Variants in ARHGAP15 observed in about 807,000 individuals in gnomAD.
The protein encoded by ARHGAP15 is Rho GTPase activating protein 15, also known as rho GTPase-activating protein 15.
In ARHGAP15, 51 loss-of-function variants were observed where a neutral mutation model predicts 63.7. That is an observed-to-expected ratio of 0.80 (90% CI 0.64 to 1.01). The LOEUF is 1.01. ARHGAP15 is among the 50% of genes least tolerant of loss of function. The pLI is 0.00. For synonymous variants in ARHGAP15, 191 were observed against 193.8 expected (o/e 0.99, Z 0.12); for missense variants, 560 against 564.6 (o/e 0.99, Z 0.08).
chr2:143,629,684 GA>G lies in ARHGAP15; in HGVS notation c.1138+5422del, dbSNP rs561461352. Among the ~76,000 whole-genome samples the G allele has an allele frequency of 5.8e-4, 89 of 152,172 alleles. 1 individual carries two copies. The highest frequency in any genetic ancestry group is 2.2e-3 in the Admixed American group (33 of 15,264). ...ATGTCTGCATTTTTCCAAAGTTCCT[GA>G]AAAAGAGAAAGGGAGGAGAAAAACT... On this transcript the variant is annotated intron_variant, in intron 12 of 13. Transcript: ENST00000295095.
intron 9 of ARHGAP15, among the ~76,000 whole-genome samples, chr2:143,507,387 A>G (rs1168109044): frequency 6.6e-6 from 1 of 152,146 alleles, no homozygotes; most frequent in Non-Finnish European, 1.5e-5. Flanking sequence ...GTGGTTTTAG[A>G]GTTATTATTT....
Position 143,263,279 on chromosome 2 carries a change from G to A in ARHGAP15, c.474+12679G>A, listed in dbSNP as rs117319446. Among the ~76,000 whole-genome samples the A allele has an allele frequency of 4.6e-5, 7 of 152,234 alleles. No individual in the cohort carries two copies. The East Asian group carries it at 1.2e-3, about 25-fold the overall frequency. ...TGAATCACCCCACATTGCTAATTCAGCATTCTTAAAGATCTGGAATGGTAG... is the reference window on the plus strand; with the variant it reads ...TGAATCACCCCACATTGCTAATTCAACATTCTTAAAGATCTGGAATGGTAG... On this transcript the variant is annotated intron_variant, in intron 6 of 13. Coordinates refer to ENST00000295095, the MANE Select transcript of ARHGAP15 (RefSeq NM_018460.4).
intron 13 of ARHGAP15, among the ~76,000 whole-genome samples, chr2:143,731,604 T>C (rs1177794815): frequency 6.6e-6 from 1 of 152,208 alleles, no homozygotes; most frequent in Non-Finnish European, 1.5e-5. Context: ...TTAGATCTGC[T>C]ATTCAGAGAT....
intron 9 of ARHGAP15, among the ~76,000 whole-genome samples, chr2:143,507,351 A>T (rs2050756902): frequency 6.6e-6 from 1 of 152,194 alleles, no homozygotes; most frequent in Admixed American, 6.5e-5. Context: ...GAAATAAGGA[A>T]ATGAAGCTGG....
rs190471567 is a variant in ARHGAP15, at chr2:143,332,414, A to G, written c.474+81814A>G. On this transcript the variant is annotated intron_variant, in intron 6 of 13. Transcript: ENST00000295095. ...GCTTAATAAGATCTTCATCTGTTGTATTTTTCAGTTGAGATCTTTTATGCT... is the reference window on the plus strand; with the variant it reads ...GCTTAATAAGATCTTCATCTGTTGTGTTTTTCAGTTGAGATCTTTTATGCT... 2.6e-5 allele frequency among the ~76,000 whole-genome samples: 4 copies of G among 152,076 alleles called. No individual in the cohort carries two copies. In the East Asian group the frequency reaches 7.7e-4, roughly 29 times the overall value.
At chr2:143,563,377 G>A (rs1169625693) in intron 11 of ARHGAP15, among the ~76,000 whole-genome samples, 1 of 152,070 alleles carries the variant, frequency 6.6e-6, no homozygotes, top group African/African-American at 2.4e-5. Flanking sequence ...ATGATAATTG[G>A]AAGAAAAAAC....
chr2:143,231,071 T>A (rs1313735601), intron 5 of ARHGAP15, among the ~76,000 whole-genome samples: 1 of 143,946 alleles, frequency 6.9e-6, no homozygotes, highest in Non-Finnish European at 1.5e-5. Flanking sequence ...TGTAATTCCT[T>A]TTTTTTTTTT....
chr2:143,306,201 T>C (rs142813324), intron 6 of ARHGAP15, among the ~76,000 whole-genome samples: 1 of 152,114 alleles, frequency 6.6e-6, no homozygotes, highest in African/African-American at 2.4e-5. Flanking sequence ...AAAAATGCCT[T>C]AATATATTTA....
chr2:143,532,033 G>C (rs768325255), intron 10 of ARHGAP15, among the ~76,000 whole-genome samples: 1 of 152,196 alleles, frequency 6.6e-6, no homozygotes, highest in Non-Finnish European at 1.5e-5. Context: ...TGTTCACAAT[G>C]CTGAAATGAA....
At chr2:143,243,106 A>G (rs1693923434) in intron 5 of ARHGAP15, among the ~76,000 whole-genome samples, 1 of 152,186 alleles carries the variant, frequency 6.6e-6, no homozygotes, top group South Asian at 2.1e-4. Context: ...TATATGCCCA[A>G]TCTTCATCAT....
At chr2:143,144,169 G>A (rs1197656107) in intron 1 of ARHGAP15, among the ~76,000 whole-genome samples, 1 of 151,920 alleles carries the variant, frequency 6.6e-6, no homozygotes, top group African/African-American at 2.4e-5. Context: ...TATTGTTGAT[G>A]GGCATTTAGA....
chr2:143,631,866 A>G (rs201316253), intron 12 of ARHGAP15, among the ~76,000 whole-genome samples: 1 of 100,324 alleles, frequency 1.0e-5, no homozygotes, highest in Admixed American at 9.2e-5. Flanking sequence ...ACGTGGACTA[A>G]TACTATTTTC....
At chr2:143,340,993 G>GT (rs1685033350) in intron 6 of ARHGAP15, among the ~76,000 whole-genome samples, 1 of 150,812 alleles carries the variant, frequency 6.6e-6, no homozygotes, top group South Asian at 2.1e-4. Context: ...GTAGCTTTTT[G>GT]TTTTTACCGT....
At chr2:143,270,952 TG>T (rs1461457377) in intron 6 of ARHGAP15, among the ~76,000 whole-genome samples, 1 of 144,808 alleles carries the variant, frequency 6.9e-6, no homozygotes, top group Non-Finnish European at 1.5e-5. Flanking sequence ...TTTGTGTTAA[TG>T]TTCATATCAC....
At position 143,300,701 on chromosome 2, in the gene ARHGAP15, G is replaced by T. The variant is rs116268659; in HGVS notation, c.474+50101G>T. ...AGACACACAGCTACTTACCAGTCTTGTCCCATAAATAGCACACATCTCATC... is the reference window on the plus strand; with the variant it reads ...AGACACACAGCTACTTACCAGTCTTTTCCCATAAATAGCACACATCTCATC... On this transcript the variant is annotated intron_variant, in intron 6 of 13. Transcript: ENST00000295095. Among the ~76,000 whole-genome samples, 40 of 152,116 alleles carry T rather than the reference G, an allele frequency of 2.6e-4. 1 individual carries two copies. Among genetic ancestry groups the T allele is most frequent in the African/African-American group, 9.4e-4 (39 of 41,510 alleles).
intron 12 of ARHGAP15, among the ~76,000 whole-genome samples, chr2:143,644,322 A>G (rs1272582871): frequency 6.6e-6 from 1 of 152,048 alleles, no homozygotes; most frequent in African/African-American, 2.4e-5. Context: ...CTCTGGGTAC[A>G]GGGCAGGACA....
At chr2:143,260,437 A>ATGAG (rs1236471327) in intron 6 of ARHGAP15, among the ~76,000 whole-genome samples, 2 of 152,268 alleles carry the variant, frequency 1.3e-5, no homozygotes, top group East Asian at 3.9e-4. Context: ...ATAGGAGATA[A>ATGAG]TGAGTTAAAA....
At chr2:143,236,119 C>CA in intron 5 of ARHGAP15, 1 of 1,006,202 alleles carries the variant, frequency 9.9e-7, no homozygotes, top group South Asian at 2.3e-5. Context: ...TACCAGGTGT[C>CA]ATATAATTTT....
intron 6 of ARHGAP15, among the ~76,000 whole-genome samples, chr2:143,299,608 G>A (rs760029988): frequency 6.6e-5 from 10 of 151,556 alleles, no homozygotes; most frequent in African/African-American, 1.5e-4. Flanking sequence ...TTTTTTCTAC[G>A]CTTTGTGCTT....
Sources: gnomAD v4.1 joint callset for allele counts (sites outside exome capture counted in the v4.1 genomes callset) on GRCh38, gnomAD v4.1.1 for gene constraint, MANE v1.5 for transcripts, NCBI Gene and HGNC (gene_info 2026-07-23, HGNC 2026-07-21) for gene names.